SIK3: variants seen among roughly 807,000 people sequenced by gnomAD.
SIK3 encodes the protein serine/threonine-protein kinase SIK3.
SIK3 carries 28 observed loss-of-function variants against 144.2 expected under a neutral mutation model. The observed-to-expected ratio is 0.19, with a 90% CI of 0.14 to 0.27. SIK3 has a LOEUF of 0.27. Among genes scored for constraint, SIK3 ranks in the 10% least tolerant of loss-of-function variants. The pLI is 1.00. For synonymous variants in SIK3, 686 were observed against 676.3 expected, an observed-to-expected ratio of 1.01 and a Z score of -0.22; for missense variants, 1,319 against 1,776.0, an observed-to-expected ratio of 0.74 and a Z score of 4.62.
intron 1 of SIK3, among the ~76,000 whole-genome samples, chr11:116,986,582 TAC>T (rs1950333266): frequency 6.6e-6 from 1 of 152,208 alleles, no homozygotes; most frequent in Admixed American, 6.5e-5. Flanking sequence ...TATGTATCTA[TAC>T]ATTGTCATGC....
chr11:117,042,870 T>C (rs2135865359), intron 1 of SIK3, among the ~76,000 whole-genome samples: 1 of 152,330 alleles, frequency 6.6e-6, no homozygotes, highest in East Asian at 1.9e-4. Context: ...AGCCGCCAAA[T>C]TCTATAAGGA....
rs773648016 is a variant in SIK3, at chr11:116,956,933, C to T, written c.390+15G>A. The T allele has an allele frequency of 6.6e-7, 1 of 1,525,060 alleles. No individual in the cohort carries two copies. Among genetic ancestry groups the T allele is most frequent in the South Asian group, 1.2e-5 (1 of 82,676 alleles). The allele number at this position is 1,525,060 out of a possible 1,614,324, so 94.5% of individuals were successfully genotyped here. A position where few individuals can be genotyped will look rare whatever the true frequency, so the allele number is the denominator to read the frequency against. ...GGGTTCTTTGCAGCTATCTGCTATA[C>T]ACTAATGATCCTACCTGGTAGAGCC... On this transcript the variant is annotated intron_variant, in intron 2 of 24. Transcript: ENST00000445177.
chr11:117,078,422 T>C (rs1954645225), intron 1 of SIK3, among the ~76,000 whole-genome samples: 1 of 150,828 alleles, frequency 6.6e-6, no homozygotes, highest in African/African-American at 2.5e-5. Flanking sequence ...ACCTTTTTTT[T>C]TTTTTTTTTT....
chr11:117,049,676 G>A (rs1347309071), intron 1 of SIK3, among the ~76,000 whole-genome samples: 1 of 152,062 alleles, frequency 6.6e-6, no homozygotes, highest in Non-Finnish European at 1.5e-5. Flanking sequence ...AAATGGATCA[G>A]TCTAGGTGCA....
chr11:117,066,077 T>TC (rs1291242952), intron 1 of SIK3, among the ~76,000 whole-genome samples: 19 of 151,424 alleles, frequency 1.3e-4, no homozygotes, highest in Admixed American at 6.6e-4. Flanking sequence ...TTTCTTCTTT[T>TC]TTTTTTTTTT....
In SIK3 at chr11:116,849,384, G is replaced by T; in HGVS notation, c.3656-101C>A. The T allele has an allele frequency of 7.2e-7, 1 of 1,389,482 alleles. No homozygotes were observed. The highest frequency in any genetic ancestry group is 9.9e-7 in the Non-Finnish European group (1 of 1,005,622). 86.1% of individuals were successfully genotyped at this position (1,389,482 alleles called of 1,614,324 possible). A position where few individuals can be genotyped will look rare whatever the true frequency, so the allele number is the denominator to read the frequency against. On this transcript the variant is annotated intron_variant, in intron 21 of 24. Coordinates refer to ENST00000445177, the MANE Select transcript of SIK3 (RefSeq NM_001366686.3). The surrounding 1 kb of genome is among the most constrained non-coding windows in gnomAD (Gnocchi z 4.2). ...CTTGCAAGGGACAATGGGCAAGGCT[G>T]AGGAGATCATGTACACCAACCGCTG...
chr11:116,861,450 C>T, intron 18 of SIK3, 67 bp from the exon 19 acceptor site: 4 of 1,219,406 alleles, frequency 3.3e-6, no homozygotes, highest in Non-Finnish European at 3.5e-6. Flanking sequence ...TAAGTTTCAG[C>T]CATACAACAT....
intron 2 of SIK3, among the ~76,000 whole-genome samples, chr11:116,954,562 TTC>T (rs1949070538): frequency 6.6e-6 from 1 of 152,126 alleles, no homozygotes; most frequent in Non-Finnish European, 1.5e-5. Flanking sequence ...ACATATGTCT[TTC>T]TTTTTTTTAT....
intron 1 of SIK3, among the ~76,000 whole-genome samples, chr11:117,045,960 C>T (rs991809187): frequency 1.3e-5 from 2 of 152,210 alleles, no homozygotes; most frequent in Admixed American, 1.3e-4. Context: ...CAAGGTCATA[C>T]GTTCTGTGGC....
At chr11:116,929,764 T>G (rs1485511575) in intron 3 of SIK3, among the ~76,000 whole-genome samples, 2 of 152,244 alleles carry the variant, frequency 1.3e-5, no homozygotes, top group African/African-American at 4.8e-5. Flanking sequence ...CGTTAAAACT[T>G]TCACTTTCAA....
chr11:116,845,780 G>A (rs1941892897), intron 24 of SIK3, among the ~76,000 whole-genome samples, 151 bp from the exon 25 acceptor site: 8 of 152,232 alleles, frequency 5.3e-5, no homozygotes, highest in Admixed American at 5.2e-4. Flanking sequence ...GATTTGCCAA[G>A]TGGCTTCCCT....
intron 1 of SIK3, among the ~76,000 whole-genome samples, chr11:116,965,274 G>A (rs1949487244): frequency 6.6e-6 from 1 of 152,020 alleles, no homozygotes; most frequent in South Asian, 2.1e-4. Flanking sequence ...ACTCTCTCAG[G>A]CATACTGACA....
chr11:116,930,296 C>G (rs1162823474), intron 3 of SIK3, among the ~76,000 whole-genome samples: 2 of 152,082 alleles, frequency 1.3e-5, no homozygotes, highest in African/African-American at 2.4e-5. Context: ...TGTAAACCTA[C>G]GAGGTCTAGT....
chr11:117,014,859 T>C (rs771789157), intron 1 of SIK3, among the ~76,000 whole-genome samples: 8 of 152,040 alleles, frequency 5.3e-5, no homozygotes, highest in Non-Finnish European at 8.8e-5. Flanking sequence ...AGCCTAGGAG[T>C]TTGAGACCAG....
chr11:116,992,121 C>T (rs748015335), intron 1 of SIK3, among the ~76,000 whole-genome samples: 3 of 151,934 alleles, frequency 2.0e-5, no homozygotes, highest in Non-Finnish European at 4.4e-5. Context: ...GTCAGGAGTT[C>T]GAGACCAGCT....
At chr11:117,062,620 C>A (rs1953845616) in intron 1 of SIK3, among the ~76,000 whole-genome samples, 1 of 152,086 alleles carries the variant, frequency 6.6e-6, no homozygotes, top group Admixed American at 6.6e-5. Flanking sequence ...AGTTTCAATT[C>A]TGAATCATTT....
chr11:117,030,915 C>T (rs1952230573), intron 1 of SIK3, among the ~76,000 whole-genome samples: 1 of 152,220 alleles, frequency 6.6e-6, no homozygotes, highest in African/African-American at 2.4e-5. Flanking sequence ...TGATGTTGAA[C>T]ATCTCTTCAT....
intron 1 of SIK3, among the ~76,000 whole-genome samples, chr11:116,976,513 A>T (rs1218465497): frequency 2.6e-5 from 4 of 152,242 alleles, no homozygotes; most frequent in Non-Finnish European, 5.9e-5. Flanking sequence ...ATCTTTGCAG[A>T]CTTAACAAAA....
chr11:117,030,435 T>A (rs1038091268), intron 1 of SIK3, among the ~76,000 whole-genome samples: 2 of 152,208 alleles, frequency 1.3e-5, no homozygotes, highest in Non-Finnish European at 2.9e-5. Context: ...AAATCTATAT[T>A]CATGGATAAT....
Sources: gnomAD v4.1 joint callset for allele counts (sites outside exome capture counted in the v4.1 genomes callset) on GRCh38, gnomAD v4.1.1 for gene constraint, Gnocchi (gnomAD v3.1) non-coding constraint, MANE v1.5 for transcripts, NCBI Gene and HGNC (gene_info 2026-07-23, HGNC 2026-07-21) for gene names.